The following UTS2 variants were observed in gnomAD, a reference collection of about 807,000 sequenced individuals.
The protein encoded by UTS2 is urotensin 2, also known as urotensin-2.
UTS2 carries 10 observed loss-of-function variants against 12.6 expected under a neutral mutation model. The ratio of observed to expected loss-of-function variants is 0.80; its 90% CI spans 0.49 to 1.35. The LOEUF (loss-of-function observed/expected upper bound fraction) is 1.35, where lower values mean the gene tolerates loss of function less well. Among genes scored for constraint, UTS2 ranks in the 40% most tolerant of loss-of-function variants. UTS2 has a pLI of 0.00. For synonymous variants in UTS2, 52 were observed against 50.0 expected (o/e 1.04, Z -0.17); for missense variants, 142 against 143.2 (o/e 0.99, Z 0.04).
chr1:7,853,567 G>A (rs751891667), upstream of UTS2: 6 of 1,243,768 alleles, frequency 4.8e-6, no homozygotes, highest in South Asian at 1.5e-5. Flanking sequence ...AAAATACATA[G>A]CAAACATTGC....
chr1:7,880,881 T>C, the UTS2 span, among the ~76,000 whole-genome samples: 5 of 152,112 alleles, frequency 3.3e-5, no homozygotes, highest in Admixed American at 2.6e-4. Context: ...CTGATGAACA[T>C]AGACACTAAA....
chr1:7,899,693 T>G, the UTS2 span, among the ~76,000 whole-genome samples: 5 of 152,212 alleles, frequency 3.3e-5, no homozygotes, highest in Non-Finnish European at 7.3e-5. Context: ...TTTTAAACAC[T>G]GTTAGATTTT....
chr1:7,851,298 G>A (rs2097413903), intron 1 of UTS2, among the ~76,000 whole-genome samples: 1 of 148,692 alleles, frequency 6.7e-6, no homozygotes. Flanking sequence ...TTAGATATTT[G>A]GGTGGTGACA....
chr1:7,911,044 A>C, the UTS2 span, among the ~76,000 whole-genome samples: 1 of 151,978 alleles, frequency 6.6e-6, no homozygotes, highest in African/African-American at 2.4e-5. Flanking sequence ...AATGCCTTAC[A>C]TCAAAGGGAA....
chr1:7,859,462 T>G, the UTS2 span, among the ~76,000 whole-genome samples: 1 of 152,116 alleles, frequency 6.6e-6, no homozygotes, highest in African/African-American at 2.4e-5. Flanking sequence ...CAGGAGAGGC[T>G]CTTTTCCTGC....
At chr1:7,856,466 G>A (rs370579032), upstream of UTS2, among the ~76,000 whole-genome samples, 124 of 152,348 alleles carry the variant, frequency 8.1e-4, no homozygotes, top group African/African-American at 2.9e-3. Context: ...GCAGCCATCC[G>A]TTCAGTGGTG....
chr1:7,898,229 C>T, the UTS2 span, among the ~76,000 whole-genome samples: 1 of 152,074 alleles, frequency 6.6e-6, no homozygotes, highest in Non-Finnish European at 1.5e-5. Flanking sequence ...TTTGTCCAAA[C>T]CTGTGGCTGG....
At chr1:7,868,499 A>G in the UTS2 span, among the ~76,000 whole-genome samples, 1 of 152,142 alleles carries the variant, frequency 6.6e-6, no homozygotes, top group Non-Finnish European at 1.5e-5. Context: ...CTGACTTGAC[A>G]AGGGTACCCC....
the UTS2 span, among the ~76,000 whole-genome samples, chr1:7,874,112 T>A: frequency 6.6e-6 from 1 of 151,566 alleles, no homozygotes; most frequent in Non-Finnish European, 1.5e-5. Flanking sequence ...GCAAAGAGAA[T>A]GATGTGAAGC....
the UTS2 span, among the ~76,000 whole-genome samples, chr1:7,896,274 T>C: frequency 6.7e-6 from 1 of 148,334 alleles, no homozygotes; most frequent in African/African-American, 2.5e-5. Context: ...AAAAAAAAAG[T>C]GTCCCTACCT....
chr1:7,909,154 C>T, the UTS2 span, among the ~76,000 whole-genome samples: 1,615 of 152,232 alleles, frequency 0.011, 32 homozygotes, highest in African/African-American at 0.037. Flanking sequence ...CCCACCAGGT[C>T]CCTCCCAGGA....
the UTS2 span, among the ~76,000 whole-genome samples, chr1:7,912,643 AC>A: frequency 6.6e-6 from 1 of 152,040 alleles, no homozygotes; most frequent in African/African-American, 2.4e-5. Context: ...TTTAGTAGAG[AC>A]GGTGTTTCAC....
the UTS2 span, among the ~76,000 whole-genome samples, chr1:7,888,698 C>T: frequency 6.6e-6 from 1 of 152,172 alleles, no homozygotes; most frequent in Non-Finnish European, 1.5e-5. Context: ...GAGATTTCAT[C>T]AGAACTTCTG....
At chr1:7,900,318 G>A in the UTS2 span, among the ~76,000 whole-genome samples, 8 of 151,900 alleles carry the variant, frequency 5.3e-5, no homozygotes, top group African/African-American at 9.7e-5. Context: ...AGGATCACCC[G>A]AGCCTGGGAG....
the UTS2 span, among the ~76,000 whole-genome samples, chr1:7,882,171 CA>C: frequency 0.34 from 51,891 of 151,856 alleles, 9,584 homozygotes; most frequent in South Asian, 0.45. Flanking sequence ...GCCATCTCTA[CA>C]AACACTTTAA....
the UTS2 span, among the ~76,000 whole-genome samples, chr1:7,872,358 A>G: frequency 1.3e-5 from 2 of 149,750 alleles, no homozygotes; most frequent in East Asian, 4.1e-4. Flanking sequence ...AAAGAAAAAG[A>G]AATGATTAAG....
chr1:7,895,233 G>T, the UTS2 span, among the ~76,000 whole-genome samples: 24 of 152,094 alleles, frequency 1.6e-4, no homozygotes, highest in African/African-American at 5.3e-4. Context: ...GCCAGGCATG[G>T]TGGTGGGCAT....
At chr1:7,862,353 T>A in the UTS2 span, among the ~76,000 whole-genome samples, 1 of 152,044 alleles carries the variant, frequency 6.6e-6, no homozygotes, top group Admixed American at 6.5e-5. Flanking sequence ...TAGGTCCATT[T>A]ACTGTTGCTG....
chr1:7,874,880 G>C, the UTS2 span, among the ~76,000 whole-genome samples: 2 of 152,026 alleles, frequency 1.3e-5, no homozygotes, highest in African/African-American at 4.8e-5. Context: ...GTGTTTGATA[G>C]TTCCTTCTTC....
Sources: gnomAD v4.1 joint callset for allele counts (sites outside exome capture counted in the v4.1 genomes callset) on GRCh38, gnomAD v4.1.1 for gene constraint, MANE v1.5 for transcripts, NCBI Gene and HGNC (gene_info 2026-07-23, HGNC 2026-07-21) for gene names.